The following LRRC4C variants were observed in gnomAD, a reference collection of about 807,000 sequenced individuals.
LRRC4C encodes leucine-rich repeat-containing protein 4C.
LRRC4C carries 5 observed loss-of-function variants against 33.6 expected under a neutral mutation model. The ratio of observed to expected loss-of-function variants is 0.15; its 90% CI spans 0.08 to 0.31. The LOEUF is 0.31. LRRC4C is among the 10% of genes least tolerant of loss of function. The pLI is 1.00. For missense variants in LRRC4C, 560 were observed against 796.7 expected (o/e 0.70, Z 3.58); for synonymous variants, 329 against 302.0 (o/e 1.09, Z -0.93).
At chr11:41,121,251 G>T (rs928646913) in intron 1 of LRRC4C, among the ~76,000 whole-genome samples, 1 of 151,840 alleles carries the variant, frequency 6.6e-6, no homozygotes, top group Non-Finnish European at 1.5e-5. Flanking sequence ...TATATCGGTC[G>T]GTCAAAAAGT....
intron 1 of LRRC4C, among the ~76,000 whole-genome samples, chr11:41,064,783 AGGGTGG>A (rs1938087346): frequency 6.6e-6 from 1 of 152,230 alleles, no homozygotes; most frequent in African/African-American, 2.4e-5. Context: ...GAGCAGAAGC[AGGGTGG>A]GGCATTGCTT....
chr11:40,515,096 C>T (rs1051991781), intron 3 of LRRC4C, among the ~76,000 whole-genome samples: 1 of 152,042 alleles, frequency 6.6e-6, no homozygotes, highest in African/African-American at 2.4e-5. Context: ...TTCATATTCT[C>T]AAACAAAACG....
chr11:41,243,410 T>C (rs1948329506), intron 1 of LRRC4C, among the ~76,000 whole-genome samples: 2 of 152,324 alleles, frequency 1.3e-5, no homozygotes, highest in Admixed American at 6.5e-5. Flanking sequence ...AGGTGTATGC[T>C]TGCTATCTGT....
chr11:40,712,718 A>G (rs184679505), intron 2 of LRRC4C, among the ~76,000 whole-genome samples: 1 of 152,132 alleles, frequency 6.6e-6, no homozygotes, highest in Non-Finnish European at 1.5e-5. Flanking sequence ...AAACCTTTAC[A>G]AAGAGATTTT....
chr11:41,182,919 A>T (rs1945517545), intron 1 of LRRC4C, among the ~76,000 whole-genome samples: 1 of 151,752 alleles, frequency 6.6e-6, no homozygotes, highest in Non-Finnish European at 1.5e-5. Context: ...TCATGGGGGA[A>T]GGCAAGGAGG....
intron 4 of LRRC4C, among the ~76,000 whole-genome samples, chr11:40,313,838 CT>C (rs1193481867): frequency 1.3e-5 from 2 of 151,880 alleles, no homozygotes; most frequent in Non-Finnish European, 2.9e-5. Context: ...TGGTCTCGAT[CT>C]CTTGACCTCG....
intron 5 of LRRC4C, among the ~76,000 whole-genome samples, chr11:40,169,350 A>C (rs999788523): frequency 6.6e-6 from 1 of 152,138 alleles, no homozygotes; most frequent in Non-Finnish European, 1.5e-5. Context: ...ACACTCATAC[A>C]TGTGTATATA....
At chr11:41,367,691 A>C (rs534236994) in intron 1 of LRRC4C, among the ~76,000 whole-genome samples, 1 of 152,032 alleles carries the variant, frequency 6.6e-6, no homozygotes, top group African/African-American at 2.4e-5. Flanking sequence ...TTTCTTTTAG[A>C]CACTCGGTAT....
At chr11:40,392,727 T>C (rs555760132) in intron 3 of LRRC4C, among the ~76,000 whole-genome samples, 33 of 152,252 alleles carry the variant, frequency 2.2e-4, no homozygotes, top group African/African-American at 7.7e-4. Flanking sequence ...TGAAGAAATA[T>C]ACTCAGAAGA....
intron 1 of LRRC4C, among the ~76,000 whole-genome samples, chr11:41,265,329 C>G (rs145764837): frequency 6.6e-6 from 1 of 151,906 alleles, no homozygotes; most frequent in Non-Finnish European, 1.5e-5. Flanking sequence ...ACCAAGAGGA[C>G]GATACTTAAA....
At chr11:40,614,539 A>G (rs1961564912) in intron 3 of LRRC4C, among the ~76,000 whole-genome samples, 2 of 150,454 alleles carry the variant, frequency 1.3e-5, no homozygotes, top group African/African-American at 4.9e-5. Flanking sequence ...GTGTTCATTG[A>G]AGTAGTACTT....
chr11:41,306,432 G>A (rs967408566), intron 1 of LRRC4C, among the ~76,000 whole-genome samples: 7 of 152,110 alleles, frequency 4.6e-5, no homozygotes, highest in East Asian at 3.9e-4. Context: ...ACTCCTCTTC[G>A]AAATATTTTT....
chr11:41,157,674 G>T (rs1317961236), intron 1 of LRRC4C, among the ~76,000 whole-genome samples: 1 of 151,952 alleles, frequency 6.6e-6, no homozygotes, highest in Non-Finnish European at 1.5e-5. Context: ...AACAAAATAA[G>T]CACACAGCTT....
intron 1 of LRRC4C, among the ~76,000 whole-genome samples, chr11:40,955,769 C>T (rs1280911335): frequency 6.6e-6 from 1 of 151,818 alleles, no homozygotes; most frequent in African/African-American, 2.4e-5. Flanking sequence ...GACATGTACT[C>T]ATAGAGGAAA....
chr11:41,092,284 T>C (rs1461486440), intron 1 of LRRC4C, among the ~76,000 whole-genome samples: 1 of 152,122 alleles, frequency 6.6e-6, no homozygotes, highest in Non-Finnish European at 1.5e-5. Flanking sequence ...AAAATAAGTC[T>C]CGGAGGAAGT....
chr11:41,245,037 T>C (rs1948397216), intron 1 of LRRC4C, among the ~76,000 whole-genome samples: 1 of 152,246 alleles, frequency 6.6e-6, no homozygotes, highest in Non-Finnish European at 1.5e-5. Flanking sequence ...TAAAACCTAA[T>C]CAGTGCATCC....
rs1257948604 is a variant in LRRC4C at position 40,161,669 on chromosome 11, T to C, written c.-95-20816A>G. 3.9e-5 allele frequency among the ~76,000 whole-genome samples: 6 copies of C among 152,052 alleles called. 1 individual carries two copies. Among genetic ancestry groups the C allele is most frequent in the Admixed American group, 3.9e-4 (6 of 15,268 alleles). ...ACTCGGGAGGCTAGGGCAGGAGAAT[T>C]GCTTGAACCCGGGAGGTGGAGGTTG... On this transcript the variant is annotated intron_variant, in intron 5 of 6. Coordinates refer to ENST00000528697, the MANE Select transcript of LRRC4C (RefSeq NM_001258419.2).
intron 3 of LRRC4C, among the ~76,000 whole-genome samples, chr11:40,460,092 AG>A (rs1468199023): frequency 1.9e-4 from 29 of 152,252 alleles, no homozygotes; most frequent in African/African-American, 6.0e-4. Flanking sequence ...TATCCGGGGT[AG>A]TTTACTCTTT....
intron 1 of LRRC4C, among the ~76,000 whole-genome samples, chr11:41,231,179 G>C (rs1365689609): frequency 6.6e-6 from 1 of 152,054 alleles, no homozygotes; most frequent in Non-Finnish European, 1.5e-5. Context: ...CTGTAAACTA[G>C]TTCAACCACT....
Sources: allele counts gnomAD v4.1 joint callset (sites outside exome capture counted in the v4.1 genomes callset), GRCh38; gene constraint gnomAD v4.1.1; transcripts MANE v1.5; gene names NCBI Gene and HGNC (gene_info 2026-07-23, HGNC 2026-07-21).